POP1: variants seen among roughly 807,000 people sequenced by gnomAD.
POP1 encodes ribonucleases P/MRP protein subunit POP1.
A neutral mutation model predicts 102.2 loss-of-function variants in POP1; 75 were observed. The observed-to-expected ratio is 0.73, with a 90% CI of 0.61 to 0.89. The LOEUF is 0.89. Among genes scored for constraint, POP1 ranks in the 40% least tolerant of loss-of-function variants. The pLI, the probability that POP1 is intolerant of heterozygous loss-of-function variation, is 0.00. For synonymous variants in POP1, 436 were observed against 464.1 expected (o/e 0.94, Z 0.78); for missense variants, 1,116 against 1,267.4 (o/e 0.88, Z 1.81).
At position 98,136,671 on chromosome 8, in the gene POP1, G is replaced by A. The variant is rs140243288; in HGVS notation, c.1201G>A (p.Gly401Ser). 18 of 1,612,600 alleles carry A rather than the reference G, an allele frequency of 1.1e-5. No individual in the cohort carries two copies. The African/African-American group carries it at 1.6e-4, about 14-fold the overall frequency. Residue 401 changes from glycine to serine, a missense_variant, in exon 8 of 16, where the codon GGT becomes AGT. Coordinates refer to ENST00000401707, the MANE Select transcript of POP1 (RefSeq NM_001145860.2). ...TGCTAAACCAATTAAAAAAATTATCGGTGATGGAACTAGAGATCCATGTCT... is the reference window on the plus strand; with the variant it reads ...TGCTAAACCAATTAAAAAAATTATCAGTGATGGAACTAGAGATCCATGTCT... ...ENAKPIKKII[G>S]DGTRDPCLPY... is the part of the protein sequence containing the mutation.
At chr8:98,134,698 G>T (rs777587601) in intron 7 of POP1, 39 bp downstream of exon 7, 9 of 1,550,176 alleles carry the variant, frequency 5.8e-6, no homozygotes, top group African/African-American at 1.4e-5. Context: ...TTCTGAAACT[G>T]CATTTTTAAT....
At chr8:98,121,792 C>T (rs1816032711) in intron 1 of POP1, among the ~76,000 whole-genome samples, 1 of 151,962 alleles carries the variant, frequency 6.6e-6, no homozygotes, top group South Asian at 2.1e-4. Context: ...ACACCATTCT[C>T]CTGCCTCAGC....
At chr8:98,138,235 A>T (rs935273545) in intron 9 of POP1, among the ~76,000 whole-genome samples, 4 of 152,168 alleles carry the variant, frequency 2.6e-5, no homozygotes, top group African/African-American at 9.7e-5. Context: ...ATAGCTTCTC[A>T]TTGTAATTAA....
At chr8:98,125,179 G>GTTTT (rs748014497) in intron 2 of POP1, among the ~76,000 whole-genome samples, 116 of 102,264 alleles carry the variant, frequency 1.1e-3, no homozygotes, top group Non-Finnish European at 1.2e-3. Context: ...TTTACAGACA[G>GTTTT]TTTTTTTTTT....
chr8:98,146,674 C>T lies in POP1; in HGVS notation c.1701C>T (p.Ile567=). 5.0e-6 allele frequency: 8 copies of T among 1,607,030 alleles called. No individual in the cohort carries two copies. The highest frequency in any genetic ancestry group is 6.8e-6 in the Non-Finnish European group (8 of 1,173,612). Residue 567 remains isoleucine, a synonymous_variant, in exon 12 of 16, where the codon ATC becomes ATT. Coordinates refer to ENST00000401707, the MANE Select transcript of POP1 (RefSeq NM_001145860.2). ...GTAAGAGTGTCACAGAGAATAAAAT[C>T]TCGGATCAGGTAACTAATAGTGTAA... is the stretch of plus-strand genomic sequence containing the variant. The part of the protein sequence containing the change: ...DICKSVTENK[I]SDQDLNRMRS...
intron 1 of POP1, among the ~76,000 whole-genome samples, chr8:98,117,618 G>T (rs1439428466): frequency 6.6e-6 from 1 of 152,236 alleles, no homozygotes; most frequent in South Asian, 2.1e-4. Context: ...GCCCCGCCGG[G>T]TGGAGGCCGT....
At chr8:98,123,200 A>T in intron 1 of POP1, 136 bp from the exon 2 acceptor site, 1 of 979,236 alleles carries the variant, frequency 1.0e-6, no homozygotes, top group Non-Finnish European at 1.5e-6. Context: ...TGACAGTGCA[A>T]ACTGCAATAT....
In POP1 at chr8:98,150,657, C is replaced by G. The variant is rs187531978; in HGVS notation, c.2057+18C>G. 2 of 1,612,498 alleles carry G rather than the reference C, an allele frequency of 1.2e-6. No homozygotes were observed. Among genetic ancestry groups the G allele is most frequent in the East Asian group, 2.2e-5 (1 of 44,870 alleles). On this transcript the variant is annotated intron_variant, in intron 14 of 15. Coordinates refer to ENST00000401707, the MANE Select transcript of POP1 (RefSeq NM_001145860.2). ...TACAAAAGGTAAGAAACTGGCTTCT[C>G]TAATTTGATAATGTATTAAGGAAAA...
At position 98,158,364 on chromosome 8, in the gene POP1, C is replaced by A; in HGVS notation, c.*93C>A. On this transcript the variant is annotated 3_prime_UTR_variant, in exon 16 of 16. Coordinates refer to ENST00000401707, the MANE Select transcript of POP1 (RefSeq NM_001145860.2). ...AGAATCTGCTTCTGCTTTAAAATAT[C>A]ATGTGAAACTCCCTGGAAACAAGAA... The A allele has an allele frequency of 7.3e-7, 1 of 1,362,020 alleles. No homozygotes were observed. The highest frequency in any genetic ancestry group is 1.0e-6 in the Non-Finnish European group (1 of 967,308). The allele number at this position is 1,362,020 out of a possible 1,614,324, so 84.4% of individuals were successfully genotyped here. A position where few individuals can be genotyped will look rare whatever the true frequency, so the allele number is the denominator to read the frequency against.
chr8:98,141,859 C>T (rs780215873), intron 11 of POP1, among the ~76,000 whole-genome samples: 25 of 151,338 alleles, frequency 1.7e-4, no homozygotes, highest in East Asian at 1.4e-3. Flanking sequence ...TGAACCACCA[C>T]GCCTGGCCCA....
intron 9 of POP1, among the ~76,000 whole-genome samples, chr8:98,137,365 C>T (rs577649252): frequency 6.6e-5 from 10 of 151,666 alleles, no homozygotes; most frequent in East Asian, 1.9e-4. Context: ...TGCAGTGGTG[C>T]GATCTTGGTT....
intron 15 of POP1, 52 bp from the exon 16 acceptor site, chr8:98,157,565 A>T: frequency 6.3e-7 from 1 of 1,593,288 alleles, no homozygotes; most frequent in Non-Finnish European, 8.6e-7. Flanking sequence ...CTGATTGCAT[A>T]TTTTTTTCTG....
At chr8:98,150,373 T>C in intron 13 of POP1, 112 bp from the exon 14 acceptor site, 8 of 1,125,670 alleles carry the variant, frequency 7.1e-6, no homozygotes, top group Non-Finnish European at 1.1e-5. Flanking sequence ...TGTATTTCTA[T>C]CCATTCTCCT....
intron 2 of POP1, 57 bp from the exon 3 acceptor site, chr8:98,127,538 C>T (rs1816243801): frequency 2.5e-6 from 4 of 1,596,512 alleles, no homozygotes. Context: ...TATTAGTTCT[C>T]CACTATAATG....
chr8:98,156,983 C>T (rs1337723064), intron 15 of POP1, among the ~76,000 whole-genome samples: 1 of 150,112 alleles, frequency 6.7e-6, no homozygotes, highest in Non-Finnish European at 1.5e-5. Context: ...CTCACTGCAA[C>T]CTCGGCCTCC....
chr8:98,134,034 C>G lies in POP1; in HGVS notation c.821C>G (p.Thr274Arg). The change falls in exon 6 of 16, where the codon ACA (threonine) becomes AGA (arginine). Residue 274 changes from threonine (T) to arginine (R), a missense_variant and splice_region_variant. Thr to Arg is a moderately conservative substitution (Grantham distance 71). Transcript: ENST00000401707. Reference sequence around the variant, plus strand: ...CTTTCTGGAATGTGTAACATAGACACAGGTAAACTTGTTTTAAAGCTGAGT... The same window carrying G: ...CTTTCTGGAATGTGTAACATAGACAGAGGTAAACTTGTTTTAAAGCTGAGT... ...KALSGMCNID[T>R]GLTFAAVHCL... 1 of 1,601,842 alleles carries G rather than the reference C, an allele frequency of 6.2e-7. No homozygotes were observed. Among genetic ancestry groups the G allele is most frequent in the African/African-American group, 1.3e-5 (1 of 74,736 alleles).
intron 13 of POP1, among the ~76,000 whole-genome samples, chr8:98,149,999 T>C (rs537274747): frequency 1.7e-4 from 26 of 152,306 alleles, no homozygotes; most frequent in Admixed American, 1.4e-3. Context: ...GCTGATATAG[T>C]GAATGCCTGT....
chr8:98,155,941 G>T (rs1586253967), intron 14 of POP1, 109 bp from the exon 15 acceptor site: 1 of 859,828 alleles, frequency 1.2e-6, no homozygotes, highest in East Asian at 2.7e-5. Context: ...GTGTGTGTGT[G>T]TGTGTGTGTG....
At chr8:98,135,824 C>T (rs529956587) in intron 7 of POP1, among the ~76,000 whole-genome samples, 29 of 151,612 alleles carry the variant, frequency 1.9e-4, no homozygotes, top group Middle Eastern at 3.5e-3. Context: ...TCAGCCTCCC[C>T]GAGTAGCTTA....
Sources: gnomAD v4.1 joint callset for allele counts (sites outside exome capture counted in the v4.1 genomes callset) on GRCh38, gnomAD v4.1.1 for gene constraint, MANE v1.5 for transcripts, NCBI Gene and HGNC (gene_info 2026-07-23, HGNC 2026-07-21) for gene names.